BBX: variants seen among roughly 807,000 people sequenced by gnomAD.
BBX encodes BBX high mobility group box domain containing, also known as HMG box transcription factor BBX.
In BBX, 30 loss-of-function variants were observed where a neutral mutation model predicts 100.2. That is an observed-to-expected ratio of 0.30 (90% CI 0.22 to 0.41). The LOEUF (loss-of-function observed/expected upper bound fraction) is 0.41, where lower values mean the gene tolerates loss of function less well. Among genes scored for constraint, BBX ranks in the 10% least tolerant of loss-of-function variants. The pLI, the probability that BBX is intolerant of heterozygous loss-of-function variation, is 1.00. For synonymous variants in BBX, 376 were observed against 388.1 expected (o/e 0.97, Z 0.37); for missense variants, 1,023 against 1,129.8 (o/e 0.91, Z 1.35).
At chr3:107,722,170 T>C (rs2062588055) in intron 5 of BBX, among the ~76,000 whole-genome samples, 1 of 151,980 alleles carries the variant, frequency 6.6e-6, no homozygotes, top group African/African-American at 2.4e-5. Context: ...ATTAGTCCAT[T>C]TGCCAATTGT....
chr3:107,596,865 G>C (rs547157528), intron 2 of BBX, among the ~76,000 whole-genome samples: 1 of 152,232 alleles, frequency 6.6e-6, no homozygotes, highest in East Asian at 1.9e-4. Context: ...TTTCCTGAGG[G>C]TCTAAATTGC....
At position 107,697,465 on chromosome 3, in the gene BBX, T is replaced by C. The variant is rs1559990583; in HGVS notation, c.-9-12987T>C. 3.3e-5 allele frequency among the ~76,000 whole-genome samples: 5 copies of C among 151,922 alleles called. No individual in the cohort carries two copies. The South Asian group carries it at 1.0e-3, about 32-fold the overall frequency. On this transcript the variant is annotated intron_variant, in intron 3 of 17. Transcript: ENST00000325805. ...TGTTGGAGTACCTGGCCTTGTGAGG[T>C]GTCAGTCTGCCCCTGCTGGGGGTGC...
chr3:107,615,049 G>A (rs543887761), intron 2 of BBX, among the ~76,000 whole-genome samples: 1 of 152,110 alleles, frequency 6.6e-6, no homozygotes. Context: ...GTTTGGATTT[G>A]CATTTTGTAA....
intron 17 of BBX, among the ~76,000 whole-genome samples, chr3:107,804,185 C>G (rs530684014): frequency 1.3e-5 from 2 of 152,232 alleles, no homozygotes; most frequent in East Asian, 3.9e-4. Flanking sequence ...TCATTTGATT[C>G]TGAAACCCCC....
rs562041785 is a variant in BBX at position 107,701,700 on chromosome 3, G to A, written c.-9-8752G>A. 3.9e-5 allele frequency among the ~76,000 whole-genome samples: 6 copies of A among 152,080 alleles called. No individual in the cohort carries two copies. The South Asian group carries it at 6.2e-4, about 16-fold the overall frequency. On this transcript the variant is annotated intron_variant, in intron 3 of 17. Coordinates refer to ENST00000325805, the MANE Select transcript of BBX (RefSeq NM_001142568.3). The stretch of plus-strand genomic sequence containing the variant: ...TTGTCTTCCTGTGCTTTGAGTTCTT[G>A]CCAATGTCATGCTTATGTTCTACCC...
At chr3:107,643,486 TAATC>T (rs1360989294) in intron 2 of BBX, among the ~76,000 whole-genome samples, 1 of 151,932 alleles carries the variant, frequency 6.6e-6, no homozygotes, top group Non-Finnish European at 1.5e-5. Flanking sequence ...GCAGTGGAGC[TAATC>T]ACCAGGAGTC....
chr3:107,574,065 A>G (rs759946539), intron 2 of BBX, among the ~76,000 whole-genome samples: 1 of 152,248 alleles, frequency 6.6e-6, no homozygotes, highest in Non-Finnish European at 1.5e-5. Context: ...TGTTCAGACC[A>G]TGTATCTCTA....
intron 3 of BBX, chr3:107,657,027 G>A (rs2058182997): frequency 6.6e-6 from 1 of 152,126 alleles, no homozygotes; most frequent in Non-Finnish European, 1.5e-5. Flanking sequence ...GGTCTTGAAT[G>A]TTAAGGTGAG....
chr3:107,545,717 T>A (rs2049185841), intron 2 of BBX, among the ~76,000 whole-genome samples: 1 of 152,194 alleles, frequency 6.6e-6, no homozygotes, highest in African/African-American at 2.4e-5. Context: ...GGTGGGATAT[T>A]CAGTAGGAAA....
At chr3:107,526,631 T>A (rs1280974410) in intron 2 of BBX, 1 of 335,522 alleles carries the variant, frequency 3.0e-6, no homozygotes, top group African/African-American at 2.1e-5. Context: ...CAAGTAATTG[T>A]CGTTTCAAAA....
At position 107,805,357 on chromosome 3, in the gene BBX, T is replaced by C. The variant is rs2108069951; in HGVS notation, c.2739-13T>C. 5 of 1,601,824 alleles carry C rather than the reference T, an allele frequency of 3.1e-6. No homozygotes were observed. Among genetic ancestry groups the C allele is most frequent in the Non-Finnish European group, 4.3e-6 (5 of 1,173,674 alleles). On this transcript the variant is annotated splice_polypyrimidine_tract_variant and intron_variant, in intron 17 of 17. Transcript: ENST00000325805. ...TGCTGAATAAGTGACTTTTTCTTCCTTTTATTTTACAGAGGTCAGAGGTCA... is the reference window on the plus strand; with the variant it reads ...TGCTGAATAAGTGACTTTTTCTTCCCTTTATTTTACAGAGGTCAGAGGTCA...
intron 16 of BBX, among the ~76,000 whole-genome samples, chr3:107,800,120 C>A (rs554533348): frequency 6.6e-6 from 1 of 152,246 alleles, no homozygotes; most frequent in South Asian, 2.1e-4. Context: ...TTTGCCCTGT[C>A]ATATAAGAGA....
intron 2 of BBX, among the ~76,000 whole-genome samples, chr3:107,560,149 A>G (rs944841018): frequency 6.6e-6 from 1 of 152,154 alleles, no homozygotes; most frequent in Non-Finnish European, 1.5e-5. Flanking sequence ...TTAAATTGAA[A>G]GAAAGTTAAA....
chr3:107,779,020 TACACAC>T lies in BBX; in HGVS notation c.2203+513_2203+518del, dbSNP rs66512735. Among the ~76,000 whole-genome samples the T allele has an allele frequency of 5.4e-3, 518 of 95,724 alleles. 17 individuals are homozygous for T. Among genetic ancestry groups the T allele is most frequent in the Non-Finnish European group, 8.6e-3 (414 of 48,012 alleles). The allele number at this position is 95,724 out of a possible 152,430, so 62.8% of individuals were successfully genotyped here. On this transcript the variant is annotated intron_variant, in intron 13 of 17. Transcript: ENST00000325805. ...ATATATATATATATATATATATATA[TACACAC>T]ACACACACACATATACATTGGTTTT...
intron 15 of BBX, among the ~76,000 whole-genome samples, chr3:107,797,463 TTTTCTTTGTCAAAAATAA>T (rs2069850863): frequency 6.6e-6 from 1 of 150,546 alleles, no homozygotes; most frequent in South Asian, 2.1e-4. Context: ...CACATTCTCC[TTTTCTTTGTCAAAAATAA>T]TTTCTATGTC....
intron 16 of BBX, among the ~76,000 whole-genome samples, chr3:107,799,709 GCTT>G (rs1358247378): frequency 6.6e-6 from 1 of 152,192 alleles, no homozygotes; most frequent in Non-Finnish European, 1.5e-5. Context: ...GCCTGAGAAT[GCTT>G]CTGGATTTCT....
Position 107,789,777 on chromosome 3 carries a change from T to G in BBX, c.2204-10T>G. 6.8e-7 allele frequency: 1 copy of G among 1,460,160 alleles called. No homozygotes were observed. The highest frequency in any genetic ancestry group is 2.5e-5 in the East Asian group (1 of 40,376). The allele number at this position is 1,460,160 out of a possible 1,614,324, so 90.5% of individuals were successfully genotyped here. A position where few individuals can be genotyped will look rare whatever the true frequency, so the allele number is the denominator to read the frequency against. On this transcript the variant is annotated splice_polypyrimidine_tract_variant and intron_variant, in intron 13 of 17. Coordinates refer to ENST00000325805, the MANE Select transcript of BBX (RefSeq NM_001142568.3). ...AATTTAAAATATATTTATATTAATA[T>G]TGTCTGTAGGTCCTTTCCAGTCTCA...
intron 13 of BBX, among the ~76,000 whole-genome samples, chr3:107,787,112 T>C (rs1376825177): frequency 1.3e-5 from 2 of 152,146 alleles, no homozygotes; most frequent in African/African-American, 4.8e-5. Context: ...TTCACATCCT[T>C]AGGATGGCCA....
rs1421886388 is a variant in BBX at position 107,773,773 on chromosome 3, TA to T, written c.1915+138del. 12 of 808,048 alleles carry T rather than the reference TA, an allele frequency of 1.5e-5. No homozygotes were observed. The highest frequency in any genetic ancestry group is 3.4e-4 in the Middle Eastern group (1 of 2,946). 50.1% of individuals were successfully genotyped at this position (808,048 alleles called of 1,614,324 possible). On this transcript the variant is annotated intron_variant, in intron 11 of 17. Coordinates refer to ENST00000325805, the MANE Select transcript of BBX (RefSeq NM_001142568.3). This position sits in a 1 kb window ranked among gnomAD's most constrained non-coding sequence, Gnocchi z 4.1. Reference sequence around the variant, plus strand: ...TACATTTGTATATTTCTTTATGGTTTATAGATCATAATTATTTGTTACTTTA... The same window carrying T: ...TACATTTGTATATTTCTTTATGGTTTTAGATCATAATTATTTGTTACTTTA...
Sources: allele counts gnomAD v4.1 joint callset (sites outside exome capture counted in the v4.1 genomes callset), GRCh38; gene constraint gnomAD v4.1.1; non-coding constraint Gnocchi (gnomAD v3.1); transcripts MANE v1.5; gene names NCBI Gene and HGNC (gene_info 2026-07-23, HGNC 2026-07-21).